SHISAL2B: variants seen among roughly 807,000 people sequenced by gnomAD.
SHISAL2B encodes protein shisa-like-2B.
SHISAL2B carries 12 observed loss-of-function variants against 16.5 expected under a neutral mutation model. The ratio of observed to expected loss-of-function variants is 0.73; its 90% CI spans 0.47 to 1.18. SHISAL2B has a LOEUF of 1.18. Ranked by LOEUF, SHISAL2B falls within the 50% of genes most tolerant of loss-of-function variation. SHISAL2B has a pLI of 0.00. For missense variants in SHISAL2B, 183 were observed against 193.6 expected (o/e 0.95, Z 0.33); for synonymous variants, 72 against 75.0 (o/e 0.96, Z 0.21).
chr5:64,708,663 C>T (rs1349151956), intron 2 of SHISAL2B, among the ~76,000 whole-genome samples: 1 of 152,078 alleles, frequency 6.6e-6, no homozygotes, highest in Non-Finnish European at 1.5e-5. Flanking sequence ...AAAATGTTTA[C>T]TTTGCAAAGT....
rs1172987916 is a variant in SHISAL2B at position 64,718,178 on chromosome 5, C to T, written c.*156C>T. ...GATCATTCAGTTACTTTATTAAACG[C>T]ACATTAAGGTTTTATTGGTTTTCCT... On this transcript the variant is annotated 3_prime_UTR_variant, in exon 3 of 3. Coordinates refer to ENST00000389074, the MANE Select transcript of SHISAL2B (RefSeq NM_001164442.2). The T allele has an allele frequency of 1.8e-6, 1 of 549,674 alleles. No homozygotes were observed. Among genetic ancestry groups the T allele is most frequent in the Non-Finnish European group, 3.0e-6 (1 of 337,050 alleles). The allele number at this position is 549,674 out of a possible 1,614,324, so 34.0% of individuals were successfully genotyped here.
intron 1 of SHISAL2B, among the ~76,000 whole-genome samples, chr5:64,692,577 TAGTCCA>T (rs1741666110): frequency 6.6e-6 from 1 of 152,194 alleles, no homozygotes. Context: ...TAATTTAAAA[TAGTCCA>T]ACTGGGAAGA....
chr5:64,701,720 G>T (rs2112062496), intron 2 of SHISAL2B, among the ~76,000 whole-genome samples: 1 of 152,292 alleles, frequency 6.6e-6, no homozygotes, highest in Middle Eastern at 3.4e-3. Context: ...ATGAAAAAGG[G>T]TAAGTAAATT....
intron 2 of SHISAL2B, among the ~76,000 whole-genome samples, chr5:64,707,055 T>C (rs1237626766): frequency 6.6e-6 from 1 of 152,064 alleles, no homozygotes; most frequent in Admixed American, 6.6e-5. Flanking sequence ...TTTTGAAACA[T>C]AGTTTTTCTT....
chr5:64,701,332 C>T (rs1039250452), intron 2 of SHISAL2B, among the ~76,000 whole-genome samples: 1 of 152,068 alleles, frequency 6.6e-6, no homozygotes, highest in Non-Finnish European at 1.5e-5. Flanking sequence ...TGCTTTAAGC[C>T]TAATGAGCTT....
Position 64,690,743 on chromosome 5 carries a change from C to G in SHISAL2B, c.120C>G (p.Ala40=), listed in dbSNP as rs1741628181. The G allele has an allele frequency of 6.5e-7, 1 of 1,540,544 alleles. No homozygotes were observed. The highest frequency in any genetic ancestry group is 1.4e-5 in the African/African-American group (1 of 72,988). Residue 40 remains alanine, a synonymous_variant, in exon 1 of 3, where the codon GCC becomes GCG. Transcript: ENST00000389074. The part of the protein sequence containing the change: ...GAALQYCCGF[A]DLKYCCSEPG... ...CGCTCCAGTATTGCTGCGGCTTCGC[C>G]GACCTCAAGTACTGCTGCAGCGAGC...
intron 2 of SHISAL2B, among the ~76,000 whole-genome samples, chr5:64,714,494 T>C (rs1243526593): frequency 6.6e-6 from 1 of 151,258 alleles, no homozygotes; most frequent in Admixed American, 6.6e-5. Context: ...TGTCTTTTTG[T>C]TTGTCTGTGC....
At chr5:64,698,339 C>T (rs368988613) in intron 2 of SHISAL2B, among the ~76,000 whole-genome samples, 93 of 152,312 alleles carry the variant, frequency 6.1e-4, no homozygotes, top group Middle Eastern at 6.8e-3. Context: ...AAACACTAAT[C>T]GCTTCCTATC....
intron 2 of SHISAL2B, among the ~76,000 whole-genome samples, chr5:64,708,390 G>A (rs1255177132): frequency 6.6e-6 from 1 of 152,068 alleles, no homozygotes; most frequent in Admixed American, 6.6e-5. Context: ...AAGATCACAG[G>A]TCATTGCAAA....
chr5:64,693,147 A>C (rs1741677672), intron 1 of SHISAL2B, among the ~76,000 whole-genome samples: 1 of 151,920 alleles, frequency 6.6e-6, no homozygotes, highest in African/African-American at 2.4e-5. Context: ...AGCTGGGACT[A>C]CAGGCGCCTG....
At position 64,718,048 on chromosome 5, in the gene SHISAL2B, T is replaced by A. The variant is rs1742084947; in HGVS notation, c.*26T>A. The A allele has an allele frequency of 6.8e-7, 1 of 1,475,900 alleles. No homozygotes were observed. The highest frequency in any genetic ancestry group is 3.0e-5 in the Admixed American group (1 of 33,374). The allele number at this position is 1,475,900 out of a possible 1,614,324, so 91.4% of individuals were successfully genotyped here. A position where few individuals can be genotyped will look rare whatever the true frequency, so the allele number is the denominator to read the frequency against. On this transcript the variant is annotated 3_prime_UTR_variant, in exon 3 of 3. Transcript: ENST00000389074. ...CTAAAAATTCTGTGTTTTAAATGCT[T>A]ACTGGAGAGATGGGACAATAAAAAT...
chr5:64,716,829 A>G (rs1742063056), intron 2 of SHISAL2B, among the ~76,000 whole-genome samples: 1 of 152,198 alleles, frequency 6.6e-6, no homozygotes, highest in South Asian at 2.1e-4. Context: ...GCCACTGTAT[A>G]AGACTTGGGT....
chr5:64,690,818 G>A lies in SHISAL2B; in HGVS notation c.191+4G>A. 1 of 1,506,554 alleles carries A rather than the reference G, an allele frequency of 6.6e-7. No individual in the cohort carries two copies. The highest frequency in any genetic ancestry group is 8.8e-7 in the Non-Finnish European group (1 of 1,130,546). The allele number at this position is 1,506,554 out of a possible 1,614,324, so 93.3% of individuals were successfully genotyped here. A position where few individuals can be genotyped will look rare whatever the true frequency, so the allele number is the denominator to read the frequency against. ...ACAGCTACATGTGGAGCCTCAGGTG[G>A]GCTGAGAGCCCGCGCGTGCGGCGGC... On this transcript the variant is annotated splice_donor_region_variant and intron_variant, in intron 1 of 2. Transcript: ENST00000389074.
intron 2 of SHISAL2B, among the ~76,000 whole-genome samples, chr5:64,716,801 G>A (rs1383258192): frequency 6.6e-6 from 1 of 152,166 alleles, no homozygotes; most frequent in Non-Finnish European, 1.5e-5. Context: ...TTAATGGTGT[G>A]TGTATGAAAT....
At position 64,690,725 on chromosome 5, in the gene SHISAL2B, G is replaced by C. The variant is rs1741627581; in HGVS notation, c.102G>C (p.Gln34His). ...CPRRGEGAAL[Q>H]YCCGFADLKY... is the part of the protein sequence containing the mutation. Reference sequence around the variant, plus strand: ...GGCGCGGCGAGGGGGCAGCGCTCCAGTATTGCTGCGGCTTCGCCGACCTCA... The same window carrying C: ...GGCGCGGCGAGGGGGCAGCGCTCCACTATTGCTGCGGCTTCGCCGACCTCA... The change falls in exon 1 of 3, where the codon CAG (glutamine) becomes CAC (histidine). Residue 34 changes from glutamine (Q) to histidine (H), a missense_variant. By Grantham distance (24) the Gln-to-His change is conservative. Coordinates refer to ENST00000389074, the MANE Select transcript of SHISAL2B (RefSeq NM_001164442.2). The C allele has an allele frequency of 6.5e-7, 1 of 1,537,346 alleles. No individual in the cohort carries two copies. Among genetic ancestry groups the C allele is most frequent in the Non-Finnish European group, 8.7e-7 (1 of 1,147,582 alleles).
intron 2 of SHISAL2B, among the ~76,000 whole-genome samples, chr5:64,698,588 C>G (rs1275953244): frequency 2.0e-5 from 3 of 152,166 alleles, no homozygotes; most frequent in Non-Finnish European, 4.4e-5. Flanking sequence ...CAGGAGCTCT[C>G]CCCTGGTTAC....
At chr5:64,702,563 G>A (rs1741825068) in intron 2 of SHISAL2B, among the ~76,000 whole-genome samples, 1 of 151,824 alleles carries the variant, frequency 6.6e-6, no homozygotes, top group African/African-American at 2.4e-5. Flanking sequence ...ATTAGTTATA[G>A]TTACCTATGG....
At chr5:64,712,564 G>C (rs1317763773) in intron 2 of SHISAL2B, among the ~76,000 whole-genome samples, 6 of 147,940 alleles carry the variant, frequency 4.1e-5, no homozygotes, top group South Asian at 2.2e-4. Context: ...TCCACTTGGT[G>C]CAGAGCTGAG....
At chr5:64,712,481 G>A (rs1256588875) in intron 2 of SHISAL2B, among the ~76,000 whole-genome samples, 2 of 151,212 alleles carry the variant, frequency 1.3e-5, no homozygotes, top group African/African-American at 4.8e-5. Context: ...TTTTGGAATA[G>A]GTGTGGTGTG....
Sources: gnomAD v4.1 joint callset for allele counts (sites outside exome capture counted in the v4.1 genomes callset) on GRCh38, gnomAD v4.1.1 for gene constraint, MANE v1.5 for transcripts, NCBI Gene and HGNC (gene_info 2026-07-23, HGNC 2026-07-21) for gene names.